AGO3: variants seen among roughly 807,000 people sequenced by gnomAD.
AGO3 encodes the protein protein argonaute-3.
In AGO3, 16 loss-of-function variants were observed where a neutral mutation model predicts 105.5. That is an observed-to-expected ratio of 0.15 (90% confidence interval 0.10 to 0.23). The LOEUF (loss-of-function observed/expected upper bound fraction) is 0.23, where lower values mean the gene tolerates loss of function less well. Ranked by LOEUF, AGO3 falls within the 10% of genes least tolerant of loss-of-function variation. AGO3 has a pLI of 1.00. For missense variants in AGO3, 534 were observed against 1,088.0 expected (o/e 0.49, Z 7.16); for synonymous variants, 340 against 367.3 (o/e 0.93, Z 0.85).
At chr1:36,016,763 T>C (rs1640923793) in intron 11 of AGO3, among the ~76,000 whole-genome samples, 2 of 152,196 alleles carry the variant, frequency 1.3e-5, no homozygotes, top group South Asian at 4.1e-4. Flanking sequence ...CTCCTTGTGC[T>C]GAAATTTCCT....
intron 13 of AGO3, among the ~76,000 whole-genome samples, chr1:36,035,321 G>A (rs1330094986): frequency 6.6e-6 from 1 of 152,112 alleles, no homozygotes; most frequent in Non-Finnish European, 1.5e-5. Flanking sequence ...GATTACCTGA[G>A]CCCAGGGAAG....
chr1:36,054,865 G>C, intron 17 of AGO3, 81 bp from the exon 18 acceptor site: 1 of 1,375,566 alleles, frequency 7.3e-7, no homozygotes, highest in Non-Finnish European at 1.0e-6. Context: ...CTGGGTGACA[G>C]AGCAAGACTT....
chr1:36,054,997 A>G lies in AGO3; in HGVS notation c.2326A>G (p.Thr776Ala). 1 of 1,614,204 alleles carries G rather than the reference A, an allele frequency of 6.2e-7. No homozygotes were observed. The highest frequency in any genetic ancestry group is 8.5e-7 in the Non-Finnish European group (1 of 1,180,038). ...TGTTTTATGGGATGATAACTGCTTT[A>G]CTGCAGATGAACTTCAGCTGCTAAC... Reference protein sequence around the residue: ...YHVLWDDNCFTADELQLLTYQ... With the variant: ...YHVLWDDNCFAADELQLLTYQ... Residue 776 changes from threonine to alanine, a missense_variant, in exon 18 of 19, where the codon ACT (threonine) becomes GCT (alanine). This residue lies in a region of AGO3 where 373 missense variants were observed against 854.0 expected (regional missense o/e 0.44). Coordinates refer to ENST00000373191, the MANE Select transcript of AGO3 (RefSeq NM_024852.4).
intron 5 of AGO3, chr1:35,983,472 C>T (rs1423910986): frequency 6.6e-6 from 1 of 151,356 alleles, no homozygotes; most frequent in African/African-American, 2.4e-5. Flanking sequence ...TACTTGTAGT[C>T]CCAGCTGCTA....
At chr1:36,023,401 A>G (rs1392789121) in intron 11 of AGO3, among the ~76,000 whole-genome samples, 1 of 152,256 alleles carries the variant, frequency 6.6e-6, no homozygotes, top group African/African-American at 2.4e-5. Flanking sequence ...ATTAAATTTA[A>G]CAGAGTTTAA....
rs758586038 is a variant in AGO3, at chr1:35,972,041, T to C, written c.330T>C (p.Thr110=). The C allele has an allele frequency of 6.2e-7, 1 of 1,613,996 alleles. No homozygotes were observed. The highest frequency in any genetic ancestry group is 1.1e-5 in the South Asian group (1 of 91,060). ...VATTGVDLDV[T]LPGEGGKDRP... ...ATCAACAGGTAGATTTAGACGTTAC[T>C]TTACCTGGGGAAGGTGGAAAAGATC... The change falls in exon 4 of 19, where the codon ACT becomes ACC. Residue 110 remains threonine, a synonymous_variant. Coordinates refer to ENST00000373191, the MANE Select transcript of AGO3 (RefSeq NM_024852.4).
At position 36,059,352 on chromosome 1, in the gene AGO3, CTATT is replaced by C. The variant is rs1642997817; in HGVS notation, c.*3612_*3615del. On this transcript the variant is annotated 3_prime_UTR_variant, in exon 19 of 19. Transcript: ENST00000373191. ...TGACAAATGCTTCTTGAAATTTGTC[CTATT>C]TATTGTTGCATTTCTGGTGTAGAAT... 6.6e-6 allele frequency: 1 copy of C among 151,350 alleles called. No individual in the cohort carries two copies. Among genetic ancestry groups the C allele is most frequent in the Non-Finnish European group, 1.5e-5 (1 of 67,804 alleles). 9.4% of individuals were successfully genotyped at this position (151,350 alleles called of 1,614,324 possible). A position where few individuals can be genotyped will look rare whatever the true frequency, so the allele number is the denominator to read the frequency against.
chr1:35,965,975 GC>G (rs960437125), intron 2 of AGO3, among the ~76,000 whole-genome samples: 5 of 151,826 alleles, frequency 3.3e-5, no homozygotes, highest in Non-Finnish European at 7.4e-5. Flanking sequence ...ACAGGCATGC[GC>G]CACTGTACCC....
At chr1:36,015,054 G>A (rs1490590754) in intron 11 of AGO3, among the ~76,000 whole-genome samples, 3 of 151,992 alleles carry the variant, frequency 2.0e-5, no homozygotes, top group Non-Finnish European at 4.4e-5. Flanking sequence ...TATCTTCCTG[G>A]AAATAGCATC....
intron 2 of AGO3, among the ~76,000 whole-genome samples, chr1:35,959,440 C>T (rs762121247): frequency 5.9e-5 from 9 of 152,158 alleles, no homozygotes; most frequent in South Asian, 2.1e-4. Context: ...CTTTTCTTCT[C>T]AGACTAAGGT....
At chr1:35,983,456 G>A (rs553480569) in intron 5 of AGO3, 2 of 151,896 alleles carry the variant, frequency 1.3e-5, no homozygotes, top group Admixed American at 6.6e-5. Context: ...AGCTAGGTGT[G>A]GTGCGTACTT....
intron 12 of AGO3, among the ~76,000 whole-genome samples, chr1:36,031,704 C>T (rs181898150): frequency 4.2e-4 from 64 of 152,218 alleles, no homozygotes; most frequent in African/African-American, 1.5e-3. Context: ...TTAAACCTCA[C>T]GTAACCCCTG....
intron 3 of AGO3, 136 bp from the exon 4 acceptor site, chr1:35,971,887 CA>C (rs1010389717): frequency 8.4e-4 from 635 of 758,818 alleles, no homozygotes; most frequent in Admixed American, 1.5e-3. Context: ...ATTTTATCTA[CA>C]AAAAAAAATG....
chr1:35,993,100 C>T (rs1340999432), intron 5 of AGO3, among the ~76,000 whole-genome samples: 1 of 151,958 alleles, frequency 6.6e-6, no homozygotes, highest in African/African-American at 2.4e-5. Flanking sequence ...TTTATAATAC[C>T]CTATTGGTTA....
intron 6 of AGO3, among the ~76,000 whole-genome samples, chr1:36,006,108 C>CT (rs540659653): frequency 0.011 from 1,492 of 136,060 alleles, 19 homozygotes; most frequent in African/African-American, 0.032. Flanking sequence ...TAAAATAGGG[C>CT]TTTTTTTTTT....
intron 5 of AGO3, among the ~76,000 whole-genome samples, chr1:35,983,986 A>G (rs903395863): frequency 1.3e-5 from 2 of 152,168 alleles, no homozygotes; most frequent in African/African-American, 4.8e-5. Context: ...GTAAATCCAT[A>G]TTTGAAACTA....
At chr1:35,993,312 C>T (rs141907138) in intron 5 of AGO3, among the ~76,000 whole-genome samples, 68 of 151,828 alleles carry the variant, frequency 4.5e-4, no homozygotes, top group African/African-American at 1.5e-3. Flanking sequence ...AAAAACTGTA[C>T]AGAATATCAA....
Position 36,034,342 on chromosome 1 carries a change from T to C in AGO3, c.1751+9T>C. The C allele has an allele frequency of 6.4e-7, 1 of 1,569,254 alleles. No individual in the cohort carries two copies. The highest frequency in any genetic ancestry group is 8.6e-7 in the Non-Finnish European group (1 of 1,158,688). Reference sequence around the variant, plus strand: ...CTTGTACCTCATCAAAGGTAAGATATGCTAATCGCTTATGAAAATATTATT... The same window carrying C: ...CTTGTACCTCATCAAAGGTAAGATACGCTAATCGCTTATGAAAATATTATT... On this transcript the variant is annotated intron_variant, in intron 13 of 18. Coordinates refer to ENST00000373191, the MANE Select transcript of AGO3 (RefSeq NM_024852.4).
intron 2 of AGO3, among the ~76,000 whole-genome samples, chr1:35,953,357 T>G (rs1477820562): frequency 6.6e-6 from 1 of 152,184 alleles, no homozygotes; most frequent in Non-Finnish European, 1.5e-5. Flanking sequence ...CTCACCAATA[T>G]GTTATTATTT....
Sources: gnomAD v4.1 joint callset for allele counts (sites outside exome capture counted in the v4.1 genomes callset) on GRCh38, gnomAD v4.1.1 for gene constraint, gnomAD v4.1.1 regional missense constraint, MANE v1.5 for transcripts, NCBI Gene and HGNC (gene_info 2026-07-23, HGNC 2026-07-21) for gene names.